RAB36: variants seen among roughly 807,000 people sequenced by gnomAD.
The protein encoded by RAB36 is RAB36, member RAS oncogene family.
Under a neutral mutation model 39.3 loss-of-function variants are expected in RAB36, and 33 were observed. The ratio of observed to expected loss-of-function variants is 0.84; its 90% confidence interval spans 0.64 to 1.12. The LOEUF (loss-of-function observed/expected upper bound fraction) is 1.12. Among genes scored for constraint, RAB36 ranks in the 50% most tolerant of loss-of-function variants. RAB36 has a pLI of 0.00. For synonymous variants in RAB36, 133 were observed against 140.2 expected (o/e 0.95, Z 0.36); for missense variants, 308 against 355.3 (o/e 0.87, Z 1.07).
At chr22:23,159,441 C>T (rs904666793) in intron 9 of RAB36, among the ~76,000 whole-genome samples, 188 bp downstream of exon 9, 4 of 152,226 alleles carry the variant, frequency 2.6e-5, no homozygotes, top group African/African-American at 4.8e-5. Context: ...AGAGGAGCTG[C>T]GTCATCTCTA....
Position 23,159,181 on chromosome 22 carries a change from C to A in RAB36, c.547C>A (p.Gln183Lys). 2 of 1,611,174 alleles carry A rather than the reference C, an allele frequency of 1.2e-6. No homozygotes were observed. Among genetic ancestry groups the A allele is most frequent in the Admixed American group, 3.3e-5 (2 of 59,764 alleles). Residue 183 changes from glutamine (Q) to lysine (K), a missense_variant, in exon 9 of 11, where the codon CAG becomes AAG. Physicochemically the swap from Gln to Lys is moderately conservative, Grantham distance 53. Transcript: ENST00000263116. ...KDLLSGAACE[Q>K]AEADAVHLAR... ...CTCCCAGTCAGGGGCCGCATGTGAG[C>A]AGGCCGAAGCAGACGCTGTGCACCT...
At chr22:23,167,378 G>A (rs1273775957), downstream of RAB36, among the ~76,000 whole-genome samples, 1 of 152,192 alleles carries the variant, frequency 6.6e-6, no homozygotes, top group East Asian at 1.9e-4. Flanking sequence ...AGCCATGGTT[G>A]ACAGAGGCTC....
At chr22:23,147,841 G>A (rs1013734825) in intron 2 of RAB36, among the ~76,000 whole-genome samples, 3 of 152,204 alleles carry the variant, frequency 2.0e-5, no homozygotes, top group Non-Finnish European at 2.9e-5. Flanking sequence ...GACATGCAAC[G>A]AGAGCCAAAG....
At chr22:23,152,916 A>T (rs1383058336) in intron 4 of RAB36, 117 bp from the exon 5 acceptor site, 19 of 758,422 alleles carry the variant, frequency 2.5e-5, no homozygotes, top group Non-Finnish European at 4.1e-5. Flanking sequence ...TGCGTGGACC[A>T]TCGCTTCCTG....
chr22:23,157,558 G>A (rs925995355), intron 6 of RAB36, among the ~76,000 whole-genome samples: 2 of 152,112 alleles, frequency 1.3e-5, no homozygotes, highest in African/African-American at 2.4e-5. Flanking sequence ...AGCGCCTGGC[G>A]ACTAACAGCT....
chr22:23,145,555 A>G lies in RAB36; in HGVS notation c.-13+4A>G, dbSNP rs2070714594. The G allele has an allele frequency of 6.3e-7, 1 of 1,598,970 alleles. No homozygotes were observed. On this transcript the variant is annotated splice_donor_region_variant and intron_variant, in intron 1 of 10. Transcript: ENST00000263116. ...CCAGCTTTCACAGCCATCGCTGGTGAGTCAGCTCGCCCACTCTGTCCGACC... is the reference window on the plus strand; with the variant it reads ...CCAGCTTTCACAGCCATCGCTGGTGGGTCAGCTCGCCCACTCTGTCCGACC...
rs1258239284 is a variant in RAB36, at chr22:23,163,274, G to A, written c.*1710G>A. 3 of 155,042 alleles carry A rather than the reference G, an allele frequency of 1.9e-5. No homozygotes were observed. The highest frequency in any genetic ancestry group is 7.3e-5 in the African/African-American group (3 of 41,332). 9.6% of individuals were successfully genotyped at this position (155,042 alleles called of 1,614,324 possible). ...GGCGGGATGGAGTCTCTGTCACCCA[G>A]GCTGGCGTGCAATGGCACGATCTTG... On this transcript the variant is annotated 3_prime_UTR_variant, in exon 11 of 11. Transcript: ENST00000263116.
rs572849247 is a variant in RAB36, at chr22:23,157,312, G to A, written c.395-680G>A. On this transcript the variant is annotated intron_variant, in intron 6 of 10. Coordinates refer to ENST00000263116, the MANE Select transcript of RAB36 (RefSeq NM_004914.5). The stretch of plus-strand genomic sequence containing the variant: ...GTAGCCCAAACTGGAGTGCAGTGGC[G>A]CAATCTCGGCTCACTGCAAGCTCCG... 3.3e-5 allele frequency among the ~76,000 whole-genome samples: 5 copies of A among 151,528 alleles called. 1 individual carries two copies. Among genetic ancestry groups the A allele is most frequent in the Admixed American group, 1.3e-4 (2 of 15,218 alleles).
At chr22:23,154,848 G>A (rs760226667) in intron 5 of RAB36, among the ~76,000 whole-genome samples, 8 of 152,170 alleles carry the variant, frequency 5.3e-5, no homozygotes, top group South Asian at 4.1e-4. Flanking sequence ...GACCATGACC[G>A]GGCATGGTGG....
intron 3 of RAB36, among the ~76,000 whole-genome samples, chr22:23,151,250 T>A (rs2071104442): frequency 6.6e-6 from 1 of 152,198 alleles, no homozygotes; most frequent in Non-Finnish European, 1.5e-5. Context: ...TGGTGCCATA[T>A]CAGGTGCTTC....
chr22:23,152,475 AGGT>A lies in RAB36; in HGVS notation c.186_188del (p.Val63del), dbSNP rs1247750638. 1 of 1,614,174 alleles carries A rather than the reference AGGT, an allele frequency of 6.2e-7. No homozygotes were observed. The highest frequency in any genetic ancestry group is 1.1e-5 in the South Asian group (1 of 91,088). On this transcript the variant is annotated inframe_deletion, in exon 4 of 11. Coordinates refer to ENST00000263116, the MANE Select transcript of RAB36 (RefSeq NM_004914.5). ...ATTTCTCACAGGCTCAAACTCTCCA[AGGT>A]GGTGGTGGTTGGCGATCTCTACGTG...
chr22:23,162,882 A>G lies in RAB36; in HGVS notation c.*1318A>G. 1.4e-5 allele frequency: 5 copies of G among 370,368 alleles called. 1 individual carries two copies. Among genetic ancestry groups the G allele is most frequent in the South Asian group, 9.8e-5 (5 of 50,860 alleles). The allele number at this position is 370,368 out of a possible 1,614,324, so 22.9% of individuals were successfully genotyped here. A position where few individuals can be genotyped will look rare whatever the true frequency, so the allele number is the denominator to read the frequency against. ...ATCTTTTTCTATTCATTCCCCCTTC[A>G]ACATATTTTTTGTAGTTTTTTATAT... On this transcript the variant is annotated 3_prime_UTR_variant, in exon 11 of 11. Transcript: ENST00000263116.
intron 3 of RAB36, among the ~76,000 whole-genome samples, chr22:23,151,366 G>T (rs2071113645): frequency 6.6e-6 from 1 of 152,178 alleles, no homozygotes; most frequent in African/African-American, 2.4e-5. Context: ...CTCATTCATA[G>T]GAGAAATGGA....
At position 23,162,632 on chromosome 22, in the gene RAB36, C is replaced by T. The variant is rs1041114997; in HGVS notation, c.*1068C>T. 4.4e-6 allele frequency: 2 copies of T among 456,370 alleles called. No homozygotes were observed. The highest frequency in any genetic ancestry group is 8.8e-6 in the Non-Finnish European group (2 of 226,976). The allele number at this position is 456,370 out of a possible 1,614,324, so 28.3% of individuals were successfully genotyped here. ...CCTCTCTGCCCAGTATGCTCATCCA[C>T]AGGGTTTTCTCACTGCTATGAACCA... On this transcript the variant is annotated 3_prime_UTR_variant, in exon 11 of 11. Coordinates refer to ENST00000263116, the MANE Select transcript of RAB36 (RefSeq NM_004914.5).
intron 2 of RAB36, among the ~76,000 whole-genome samples, chr22:23,147,100 G>A (rs2070821901): frequency 6.6e-6 from 1 of 152,066 alleles, no homozygotes; most frequent in Non-Finnish European, 1.5e-5. Flanking sequence ...TCTCATCATC[G>A]TTGTTGTTAT....
At chr22:23,153,430 T>G (rs1050210523) in intron 5 of RAB36, 8 of 344,054 alleles carry the variant, frequency 2.3e-5, no homozygotes, top group Admixed American at 1.3e-4. Context: ...CTGGCTCCAG[T>G]CCCTCCCTGA....
At chr22:23,160,370 C>T (rs5996473) in intron 9 of RAB36, among the ~76,000 whole-genome samples, 6 of 152,150 alleles carry the variant, frequency 3.9e-5, no homozygotes, top group South Asian at 2.1e-4. Flanking sequence ...GGGCAGTGTG[C>T]GTGTTAAGGG....
At position 23,163,547 on chromosome 22, in the gene RAB36, G is replaced by A. The variant is rs2071931035; in HGVS notation, c.*1983G>A. ...CCGGCCTCCATAAATGACTTTTAAA[G>A]GGGTTGTATGTTTAGTGTGAACAAA... On this transcript the variant is annotated 3_prime_UTR_variant, in exon 11 of 11. Coordinates refer to ENST00000263116, the MANE Select transcript of RAB36 (RefSeq NM_004914.5). The A allele has an allele frequency of 6.6e-6, 1 of 150,730 alleles. No individual in the cohort carries two copies. Among genetic ancestry groups the A allele is most frequent in the Non-Finnish European group, 1.5e-5 (1 of 67,784 alleles). 9.3% of individuals were successfully genotyped at this position (150,730 alleles called of 1,614,324 possible). A position where few individuals can be genotyped will look rare whatever the true frequency, so the allele number is the denominator to read the frequency against.
chr22:23,162,956 G>T lies in RAB36; in HGVS notation c.*1392G>T, dbSNP rs185576338. ...GATGGAGTTTCACCCTTGTTGCCCA[G>T]GCTGGAGTGCAATGGCGTAATCTCG... On this transcript the variant is annotated 3_prime_UTR_variant, in exon 11 of 11. Transcript: ENST00000263116. 1.9e-4 allele frequency: 65 copies of T among 338,918 alleles called. No homozygotes were observed. In the East Asian group the frequency reaches 4.1e-3, roughly 22 times the overall value. The allele number at this position is 338,918 out of a possible 1,614,324, so 21.0% of individuals were successfully genotyped here.
Sources: gnomAD v4.1 joint callset for allele counts (sites outside exome capture counted in the v4.1 genomes callset) on GRCh38, gnomAD v4.1.1 for gene constraint, MANE v1.5 for transcripts, NCBI Gene and HGNC (gene_info 2026-07-23, HGNC 2026-07-21) for gene names.